BID: variants seen among roughly 807,000 people sequenced by gnomAD.
BID encodes the protein BH3 interacting domain death agonist.
A neutral mutation model predicts 17.4 loss-of-function variants in BID; 19 were observed. The ratio of observed to expected loss-of-function variants is 1.09; its 90% CI spans 0.76 to 1.60. The LOEUF (loss-of-function observed/expected upper bound fraction) is 1.60. Among genes scored for constraint, BID ranks in the 40% most tolerant of loss-of-function variants. The pLI is 0.00. For missense variants in BID, 226 were observed against 256.0 expected (o/e 0.88, Z 0.80); for synonymous variants, 108 against 102.8 (o/e 1.05, Z -0.31).
chr22:17,765,419 TTACCGAGTAAGTATGTCGA>T (rs941627201), intron 1 of BID, among the ~76,000 whole-genome samples: 5 of 152,200 alleles, frequency 3.3e-5, no homozygotes, highest in Admixed American at 6.5e-5. Context: ...CTATTCTGTC[TTACCGAGTAAGTATGTCGA>T]TATCCAAAGA....
chr22:17,770,468 C>T (rs2061711218), intron 1 of BID, among the ~76,000 whole-genome samples: 1 of 152,182 alleles, frequency 6.6e-6, no homozygotes, highest in East Asian at 1.9e-4. Context: ...ACCGCCCATC[C>T]CGGACCCAGG....
Position 17,735,475 on chromosome 22 carries a change from C to G in BID, c.*105G>C. On this transcript the variant is annotated 3_prime_UTR_variant, in exon 6 of 6. Transcript: ENST00000622694. Reference sequence around the variant, plus strand: ...TCACAGCTATCTTCCAGCCTGTCTTCTCTAGGAACGCTGTTGACATGCCAG... The same window carrying G: ...TCACAGCTATCTTCCAGCCTGTCTTGTCTAGGAACGCTGTTGACATGCCAG... The G allele has an allele frequency of 7.3e-7, 1 of 1,364,406 alleles. No individual in the cohort carries two copies. The highest frequency in any genetic ancestry group is 1.2e-5 in the South Asian group (1 of 83,540). 84.5% of individuals were successfully genotyped at this position (1,364,406 alleles called of 1,614,324 possible).
chr22:17,761,680 C>T (rs1411677378), intron 1 of BID, among the ~76,000 whole-genome samples: 3 of 152,102 alleles, frequency 2.0e-5, no homozygotes, highest in Non-Finnish European at 2.9e-5. Context: ...GTGATCCACC[C>T]GCCTCGGCCT....
intron 1 of BID, among the ~76,000 whole-genome samples, chr22:17,759,209 G>A (rs1228320615): frequency 4.4e-5 from 5 of 114,350 alleles, no homozygotes; most frequent in Non-Finnish European, 8.8e-5. Flanking sequence ...CCAGCCTGGC[G>A]ACAGAAAAAG....
intron 3 of BID, among the ~76,000 whole-genome samples, chr22:17,742,681 C>T (rs949323031): frequency 6.6e-6 from 1 of 152,182 alleles, no homozygotes; most frequent in Non-Finnish European, 1.5e-5. Context: ...GGGATTCTAC[C>T]TGCGTCAGAA....
In BID at chr22:17,771,043, G is replaced by A. The variant is rs111364622; in HGVS notation, c.-59+3338C>T. ...CAGTGTGTCTTTCCAGTTACTCTAC[G>A]TACCTAAAAGTGACCAGCCCCCTTT... is the stretch of plus-strand genomic sequence containing the variant. On this transcript the variant is annotated intron_variant, in intron 1 of 5. Transcript: ENST00000622694. 5.2e-3 allele frequency among the ~76,000 whole-genome samples: 794 copies of A among 152,326 alleles called. 7 individuals are homozygous for A. Among genetic ancestry groups the A allele is most frequent in the African/African-American group, 0.018 (743 of 41,572 alleles).
intron 1 of BID, among the ~76,000 whole-genome samples, chr22:17,760,963 C>T (rs1460294923): frequency 1.3e-5 from 2 of 152,212 alleles, no homozygotes; most frequent in African/African-American, 4.8e-5. Flanking sequence ...GGGCCTCCCG[C>T]CAAGCCCAGA....
chr22:17,751,945 C>T (rs936972918), intron 1 of BID, among the ~76,000 whole-genome samples: 2 of 152,196 alleles, frequency 1.3e-5, no homozygotes, highest in Non-Finnish European at 2.9e-5. Flanking sequence ...ACAGAGGCCA[C>T]GGCACCTCCC....
At chr22:17,751,271 C>T (rs2061537059) in intron 1 of BID, among the ~76,000 whole-genome samples, 1 of 151,666 alleles carries the variant, frequency 6.6e-6, no homozygotes, top group African/African-American at 2.4e-5. Context: ...ACTCGGGAGG[C>T]TGAGGCAGGA....
At chr22:17,759,861 G>A (rs893927363) in intron 1 of BID, among the ~76,000 whole-genome samples, 6 of 151,904 alleles carry the variant, frequency 3.9e-5, no homozygotes, top group South Asian at 4.2e-4. Context: ...AAAATGTTTC[G>A]GCCGGGCGAG....
chr22:17,738,440 G>A (rs2061435524), intron 4 of BID, among the ~76,000 whole-genome samples: 2 of 152,224 alleles, frequency 1.3e-5, no homozygotes, highest in African/African-American at 4.8e-5. Flanking sequence ...AAACGCATGT[G>A]TGGTGAGCCC....
chr22:17,755,589 T>A (rs1267980343), intron 1 of BID, among the ~76,000 whole-genome samples: 1 of 151,794 alleles, frequency 6.6e-6, no homozygotes, highest in Non-Finnish European at 1.5e-5. Context: ...GATCACGAGG[T>A]CAAGAGACTG....
chr22:17,740,097 A>G (rs776973827), intron 3 of BID: 6 of 1,608,314 alleles, frequency 3.7e-6, no homozygotes, highest in Non-Finnish European at 2.5e-6. Flanking sequence ...TCGCAGCTCC[A>G]TGAAGGCCAC....
chr22:17,750,799 G>A (rs934561263), intron 1 of BID, among the ~76,000 whole-genome samples: 1 of 152,132 alleles, frequency 6.6e-6, no homozygotes, highest in African/African-American at 2.4e-5. Flanking sequence ...CTGCACTCCA[G>A]CCTGGGCGAC....
At chr22:17,765,360 C>A (rs1490273950) in intron 1 of BID, among the ~76,000 whole-genome samples, 13 of 152,136 alleles carry the variant, frequency 8.5e-5, no homozygotes, top group Admixed American at 8.5e-4. Flanking sequence ...GATACGGCCT[C>A]TTTTTAGAGC....
At chr22:17,749,179 G>A (rs1001026509) in intron 2 of BID, among the ~76,000 whole-genome samples, 5 of 152,160 alleles carry the variant, frequency 3.3e-5, no homozygotes, top group African/African-American at 1.2e-4. Context: ...TGCAGAATTC[G>A]GCAGGAGGGA....
chr22:17,757,128 G>A (rs1476749869), intron 1 of BID, among the ~76,000 whole-genome samples: 1 of 152,050 alleles, frequency 6.6e-6, no homozygotes, highest in Non-Finnish European at 1.5e-5. Context: ...AAACCACCAG[G>A]CTTCGGCCGG....
intron 3 of BID, among the ~76,000 whole-genome samples, chr22:17,742,770 G>T (rs572331641): frequency 1.2e-4 from 18 of 152,362 alleles, no homozygotes; most frequent in African/African-American, 4.3e-4. Flanking sequence ...TTTGGAAAAG[G>T]TTTCTCGTGT....
At chr22:17,748,084 C>T (rs1457018177) in intron 2 of BID, among the ~76,000 whole-genome samples, 1 of 150,282 alleles carries the variant, frequency 6.7e-6, no homozygotes, top group African/African-American at 2.5e-5. Flanking sequence ...TGGTGGGCGC[C>T]TGTAGTCCCA....
Sources: gnomAD v4.1 joint callset for allele counts (sites outside exome capture counted in the v4.1 genomes callset) on GRCh38, gnomAD v4.1.1 for gene constraint, MANE v1.5 for transcripts, NCBI Gene and HGNC (gene_info 2026-07-23, HGNC 2026-07-21) for gene names.